EDN1: variants seen among roughly 807,000 people sequenced by gnomAD.
EDN1 encodes the protein endothelin-1.
In EDN1, 11 loss-of-function variants were observed where a neutral mutation model predicts 21.7. The ratio of observed to expected loss-of-function variants is 0.51; its 90% CI spans 0.32 to 0.84. The LOEUF (loss-of-function observed/expected upper bound fraction) is 0.84, where lower values mean the gene tolerates loss of function less well. EDN1 is among the 40% of genes least tolerant of loss of function. The pLI is 0.03. For synonymous variants in EDN1, 85 were observed against 90.6 expected (o/e 0.94, Z 0.35); for missense variants, 244 against 262.3 (o/e 0.93, Z 0.48).
At position 12,294,278 on chromosome 6, in the gene EDN1, A is replaced by G. The variant is rs759763323; in HGVS notation, c.407A>G (p.Glu136Gly). ...TTTAACAGGGCTGAAGACATTATGG[A>G]GAAAGACTGGAATAATCATAAGAAA... ...GKELRAEDIM[E>G]KDWNNHKKGK... Residue 136 changes from glutamate (E) to glycine (G), a missense_variant, in exon 4 of 5, where the codon GAG (glutamate) becomes GGG (glycine). Coordinates refer to ENST00000379375, the MANE Select transcript of EDN1 (RefSeq NM_001955.5). 6.8e-6 allele frequency: 11 copies of G among 1,614,220 alleles called. No homozygotes were observed. Among genetic ancestry groups the G allele is most frequent in the Non-Finnish European group, 9.3e-6 (11 of 1,180,036 alleles).
At chr6:12,251,188 G>A in the EDN1 span, among the ~76,000 whole-genome samples, 7 of 152,266 alleles carry the variant, frequency 4.6e-5, no homozygotes, top group East Asian at 1.3e-3. Flanking sequence ...GATAACTTAA[G>A]CCATACCCCA....
chr6:12,278,124 CTT>C, the EDN1 span, among the ~76,000 whole-genome samples: 1 of 152,158 alleles, frequency 6.6e-6, no homozygotes, highest in African/African-American at 2.4e-5. Context: ...AATTATAGCT[CTT>C]CTTTTCTCTT....
the EDN1 span, among the ~76,000 whole-genome samples, chr6:12,249,331 G>A: frequency 6.6e-6 from 1 of 152,030 alleles, no homozygotes; most frequent in East Asian, 1.9e-4. Flanking sequence ...TCTAAAAATT[G>A]TTCAAAATCT....
chr6:12,257,786 C>T, the EDN1 span, among the ~76,000 whole-genome samples: 2 of 152,070 alleles, frequency 1.3e-5, no homozygotes, highest in South Asian at 4.2e-4. Context: ...GTTTGTCATG[C>T]TTATAAAAGA....
the EDN1 span, among the ~76,000 whole-genome samples, chr6:12,254,795 AT>A: frequency 6.6e-6 from 1 of 152,196 alleles, no homozygotes; most frequent in Admixed American, 6.5e-5. Flanking sequence ...CAATTGAAAA[AT>A]TTATGAGAAA....
chr6:12,295,885 C>T, intron 4 of EDN1, 77 bp from the exon 5 acceptor site: 1 of 1,476,116 alleles, frequency 6.8e-7, no homozygotes, highest in East Asian at 2.3e-5. Flanking sequence ...GTGCCAGATT[C>T]TAATTTTACA....
the EDN1 span, among the ~76,000 whole-genome samples, chr6:12,247,536 C>CT: frequency 0.049 from 4,764 of 97,756 alleles, 167 homozygotes; most frequent in Non-Finnish European, 0.06. Flanking sequence ...TTCTTTCTTT[C>CT]TTTTTTTTTT....
chr6:12,294,374 G>T lies in EDN1; in HGVS notation c.503G>T (p.Arg168Ile). The stretch of plus-strand genomic sequence containing the variant: ...TTAGTGAGAGGAAGAAAAATCAGAA[G>T]AAGTTCAGAGGAACACCTAAGACAA... ...QQLVRGRKIRRSSEEHLRQTR... is the reference protein window; with the variant it reads ...QQLVRGRKIRISSEEHLRQTR... The change falls in exon 4 of 5, where the codon AGA becomes ATA. Residue 168 changes from arginine to isoleucine, a missense_variant. Coordinates refer to ENST00000379375, the MANE Select transcript of EDN1 (RefSeq NM_001955.5). 6.2e-7 allele frequency: 1 copy of T among 1,614,130 alleles called. No individual in the cohort carries two copies. The highest frequency in any genetic ancestry group is 8.5e-7 in the Non-Finnish European group (1 of 1,180,018).
At chr6:12,289,636 G>A (rs1370382593), upstream of EDN1, among the ~76,000 whole-genome samples, 2 of 152,084 alleles carry the variant, frequency 1.3e-5, no homozygotes, top group African/African-American at 4.8e-5. Flanking sequence ...CCTCCGCAGG[G>A]GAAGTGTGGA....
chr6:12,252,755 T>G, the EDN1 span, among the ~76,000 whole-genome samples: 1 of 152,196 alleles, frequency 6.6e-6, no homozygotes, highest in Non-Finnish European at 1.5e-5. Context: ...TGTGTATTCA[T>G]GCAGTGTTCA....
At chr6:12,258,136 G>A in the EDN1 span, among the ~76,000 whole-genome samples, 1 of 151,936 alleles carries the variant, frequency 6.6e-6, no homozygotes, top group African/African-American at 2.4e-5. Context: ...GAGGTGCAGA[G>A]GGAAAATCAG....
chr6:12,242,169 T>G, the EDN1 span, among the ~76,000 whole-genome samples: 1 of 152,052 alleles, frequency 6.6e-6, no homozygotes, highest in Non-Finnish European at 1.5e-5. Context: ...ACCAAAGGCT[T>G]TCTGGAGGTG....
chr6:12,287,135 G>A (rs1183933664), upstream of EDN1, among the ~76,000 whole-genome samples: 13 of 144,074 alleles, frequency 9.0e-5, no homozygotes, highest in Non-Finnish European at 7.6e-5. Flanking sequence ...TTAAAATTGA[G>A]AAAAAAAAAA....
At chr6:12,291,741 G>A (rs1317769720) in intron 1 of EDN1, among the ~76,000 whole-genome samples, 1 of 152,132 alleles carries the variant, frequency 6.6e-6, no homozygotes, top group Non-Finnish European at 1.5e-5. Flanking sequence ...TTTCTATGGA[G>A]TTACCCTCCT....
chr6:12,272,204 A>T, the EDN1 span, among the ~76,000 whole-genome samples: 20 of 152,126 alleles, frequency 1.3e-4, no homozygotes, highest in Admixed American at 1.2e-3. Context: ...GCTTGATAAA[A>T]TTTTTTTTCT....
chr6:12,250,589 G>T, the EDN1 span, among the ~76,000 whole-genome samples: 1 of 152,094 alleles, frequency 6.6e-6, no homozygotes, highest in African/African-American at 2.4e-5. Flanking sequence ...ATAATCTGGG[G>T]AAATGCCTGT....
chr6:12,276,997 C>G, the EDN1 span, among the ~76,000 whole-genome samples: 10 of 152,280 alleles, frequency 6.6e-5, no homozygotes, highest in African/African-American at 1.9e-4. Flanking sequence ...AAAGGAGGAA[C>G]AGGGACTTTG....
chr6:12,276,205 G>A, the EDN1 span, among the ~76,000 whole-genome samples: 1 of 150,104 alleles, frequency 6.7e-6, no homozygotes, highest in Non-Finnish European at 1.5e-5. Context: ...AACACACAAG[G>A]AGTTTTATTA....
chr6:12,291,239 C>A (rs1762676330), intron 1 of EDN1, among the ~76,000 whole-genome samples: 1 of 151,126 alleles, frequency 6.6e-6, no homozygotes, highest in Non-Finnish European at 1.5e-5. Flanking sequence ...CGCCACCACC[C>A]CCCGCAGGCG....
Sources: gnomAD v4.1 joint callset for allele counts (sites outside exome capture counted in the v4.1 genomes callset) on GRCh38, gnomAD v4.1.1 for gene constraint, MANE v1.5 for transcripts, NCBI Gene and HGNC (gene_info 2026-07-23, HGNC 2026-07-21) for gene names.